The following MALRD1 variants were observed in gnomAD, a reference collection of about 807,000 sequenced individuals.
The protein encoded by MALRD1 is MAM and LDL receptor class A domain containing 1.
In MALRD1, 247 loss-of-function variants were observed where a neutral mutation model predicts 242.1. The ratio of observed to expected loss-of-function variants is 1.02; its 90% CI spans 0.92 to 1.13. The LOEUF is 1.13. Among genes scored for constraint, MALRD1 ranks in the 50% most tolerant of loss-of-function variants. The probability of loss-of-function intolerance (pLI) is 0.00; values close to 1 mark genes in which losing one functional copy is unlikely to be tolerated. For synonymous variants in MALRD1, 995 were observed against 866.6 expected, an observed-to-expected ratio of 1.15 and a Z score of -2.60; for missense variants, 2,989 against 2,533.1, an observed-to-expected ratio of 1.18 and a Z score of -3.86.
chr10:19,469,027 G>A (rs1025824803), intron 29 of MALRD1, among the ~76,000 whole-genome samples: 3 of 151,764 alleles, frequency 2.0e-5, no homozygotes, highest in African/African-American at 7.3e-5. Flanking sequence ...AATCTTTTGA[G>A]GAACATAAAA....
At chr10:19,141,625 A>ATG (rs148746672) in intron 10 of MALRD1, among the ~76,000 whole-genome samples, 2 of 152,048 alleles carry the variant, frequency 1.3e-5, no homozygotes, top group African/African-American at 2.4e-5. Flanking sequence ...ATATATATAT[A>ATG]GAATCTACTT....
chr10:19,500,765 G>T (rs1564394463), intron 31 of MALRD1, among the ~76,000 whole-genome samples: 2 of 152,130 alleles, frequency 1.3e-5, no homozygotes, highest in East Asian at 1.9e-4. Context: ...GCTTTTAGCA[G>T]AAATAATGGG....
intron 21 of MALRD1, among the ~76,000 whole-genome samples, chr10:19,305,014 T>C (rs1487198775): frequency 1.3e-5 from 2 of 151,734 alleles, no homozygotes; most frequent in Admixed American, 1.3e-4. Context: ...CATTGCCTTC[T>C]GCTTCTTTCA....
chr10:19,118,360 T>C (rs955232257), intron 5 of MALRD1, among the ~76,000 whole-genome samples: 1 of 152,062 alleles, frequency 6.6e-6, no homozygotes, highest in Non-Finnish European at 1.5e-5. Context: ...TTTACACAAT[T>C]TGGGGAGACA....
At chr10:19,635,272 A>G (rs151047681) in intron 36 of MALRD1, among the ~76,000 whole-genome samples, 483 of 152,324 alleles carry the variant, frequency 3.2e-3, no homozygotes, top group African/African-American at 0.011. Context: ...ACAGAGACAG[A>G]AAGTGAAATC....
chr10:19,603,793 A>T (rs925816971), intron 34 of MALRD1, among the ~76,000 whole-genome samples: 1 of 152,112 alleles, frequency 6.6e-6, no homozygotes, highest in African/African-American at 2.4e-5. Context: ...TGTTATGGTG[A>T]TCTGTGATCA....
chr10:19,715,338 A>G (rs1263226495), intron 38 of MALRD1, among the ~76,000 whole-genome samples: 1 of 150,880 alleles, frequency 6.6e-6, no homozygotes, highest in Non-Finnish European at 1.5e-5. Flanking sequence ...TTAAAATGAC[A>G]AGATATCCAT....
chr10:19,367,648 T>C (rs954985001), intron 26 of MALRD1, among the ~76,000 whole-genome samples: 6 of 152,148 alleles, frequency 3.9e-5, no homozygotes, highest in Non-Finnish European at 7.4e-5. Flanking sequence ...GGGAATTGTA[T>C]GGCAGTTCTA....
chr10:19,263,217 A>T (rs562145455), intron 19 of MALRD1, among the ~76,000 whole-genome samples: 2 of 152,328 alleles, frequency 1.3e-5, no homozygotes, highest in South Asian at 2.1e-4. Flanking sequence ...AGCAACCTCC[A>T]TACTGTTTTT....
chr10:19,474,995 T>C (rs1020303891), intron 29 of MALRD1, among the ~76,000 whole-genome samples: 1 of 152,194 alleles, frequency 6.6e-6, no homozygotes, highest in African/African-American at 2.4e-5. Context: ...CCGCTTCATA[T>C]AGGAAGTTCA....
In MALRD1 at chr10:19,355,859, T is replaced by TATATATATATAC. The variant is rs1348787430; in HGVS notation, c.4441+3568_4441+3569insATATACATATAT. 1.6e-4 allele frequency among the ~76,000 whole-genome samples: 3 copies of TATATATATATAC among 18,256 alleles called. 1 individual carries two copies. Among genetic ancestry groups the TATATATATATAC allele is most frequent in the Non-Finnish European group, 2.6e-4 (3 of 11,544 alleles). 12.0% of individuals were successfully genotyped at this position (18,256 alleles called of 152,430 possible). On this transcript the variant is annotated intron_variant, in intron 26 of 39. Coordinates refer to ENST00000454679, the MANE Select transcript of MALRD1 (RefSeq NM_001142308.3). The stretch of plus-strand genomic sequence containing the variant: ...GAACATATATTATATATATATATAT[T>TATATATATATAC]ATATATGATATATATTAGCTAAGCA...
chr10:19,245,018 G>T (rs186140193), intron 18 of MALRD1, among the ~76,000 whole-genome samples: 2 of 152,178 alleles, frequency 1.3e-5, no homozygotes, highest in Non-Finnish European at 2.9e-5. Flanking sequence ...AACTCTGTCA[G>T]TGAGCTTGCA....
intron 1 of MALRD1, among the ~76,000 whole-genome samples, chr10:19,053,917 A>G (rs1429107528): frequency 6.6e-6 from 1 of 152,144 alleles, no homozygotes; most frequent in African/African-American, 2.4e-5. Context: ...TCAGAAAAAA[A>G]ACTGAGTCCT....
chr10:19,283,658 G>T (rs532718680), intron 21 of MALRD1, among the ~76,000 whole-genome samples: 2 of 152,002 alleles, frequency 1.3e-5, no homozygotes, highest in African/African-American at 2.4e-5. Context: ...TAAATGTGCA[G>T]ATTTTCAACA....
chr10:19,109,310 C>T lies in MALRD1; in HGVS notation c.694+5235C>T, dbSNP rs146436208. Among the ~76,000 whole-genome samples, 98 of 152,116 alleles carry T rather than the reference C, an allele frequency of 6.4e-4. 1 individual carries two copies. Among genetic ancestry groups the T allele is most frequent in the African/African-American group, 2.2e-3 (93 of 41,496 alleles). On this transcript the variant is annotated intron_variant, in intron 5 of 39. Coordinates refer to ENST00000454679, the MANE Select transcript of MALRD1 (RefSeq NM_001142308.3). ...CGGGGACAGAAGTGTTGGGCTGTTT[C>T]GTGTATTGAGGGTTTGTCAGGGCTG...
At chr10:19,129,159 G>A (rs1837374984) in intron 8 of MALRD1, among the ~76,000 whole-genome samples, 1 of 151,930 alleles carries the variant, frequency 6.6e-6, no homozygotes, top group South Asian at 2.1e-4. Context: ...ACAGGTTGAG[G>A]TCTCAGGCCC....
intron 5 of MALRD1, among the ~76,000 whole-genome samples, 168 bp from the exon 6 acceptor site, chr10:19,123,324 T>TGA (rs1554793086): frequency 1.3e-5 from 2 of 150,854 alleles, no homozygotes; most frequent in Admixed American, 6.6e-5. Flanking sequence ...TGTGTGTGTG[T>TGA]GAGAGAGAGA....
intron 31 of MALRD1, among the ~76,000 whole-genome samples, chr10:19,507,729 T>G (rs1049938075): frequency 6.6e-6 from 1 of 152,166 alleles, no homozygotes; most frequent in Non-Finnish European, 1.5e-5. Context: ...ATAATAAAAT[T>G]AAATCCTGAG....
intron 35 of MALRD1, among the ~76,000 whole-genome samples, chr10:19,610,945 A>G (rs994933570): frequency 6.6e-6 from 1 of 151,972 alleles, no homozygotes; most frequent in Non-Finnish European, 1.5e-5. Context: ...GGTAGTGGTG[A>G]TGGTGATGGT....
Sources: gnomAD v4.1 joint callset for allele counts (sites outside exome capture counted in the v4.1 genomes callset) on GRCh38, gnomAD v4.1.1 for gene constraint, MANE v1.5 for transcripts, NCBI Gene and HGNC (gene_info 2026-07-23, HGNC 2026-07-21) for gene names.